ABHD12B: variants seen among roughly 807,000 people sequenced by gnomAD.
ABHD12B encodes protein ABHD12B.
In ABHD12B, 42 loss-of-function variants were observed where a neutral mutation model predicts 50.4. The observed-to-expected ratio is 0.83, with a 90% CI of 0.65 to 1.08. The LOEUF is 1.08. ABHD12B is among the 50% of genes least tolerant of loss of function. ABHD12B has a pLI of 0.00. For synonymous variants in ABHD12B, 167 were observed against 160.3 expected (o/e 1.04, Z -0.32); for missense variants, 479 against 447.7 (o/e 1.07, Z -0.63).
intron 9 of ABHD12B, among the ~76,000 whole-genome samples, chr14:50,890,157 A>G (rs1290832002): frequency 6.6e-6 from 1 of 152,228 alleles, no homozygotes; most frequent in Non-Finnish European, 1.5e-5. Context: ...CATTAATTGC[A>G]TATCTATCAT....
chr14:50,878,221 ATT>A (rs2049890454), intron 2 of ABHD12B, 142 bp downstream of exon 2: 1 of 770,440 alleles, frequency 1.3e-6, no homozygotes, highest in African/African-American at 1.8e-5. Flanking sequence ...CTTATTTAAT[ATT>A]GACTTTGAAG....
rs1375225610 is a variant in ABHD12B, at chr14:50,903,434, TGACAG to T, written c.915_919del (p.Arg305SerfsTer11). 2 of 1,612,926 alleles carry T rather than the reference TGACAG, an allele frequency of 1.2e-6. No homozygotes were observed. Among genetic ancestry groups the T allele is most frequent in the East Asian group, 4.5e-5 (2 of 44,848 alleles). ...CTCTTCTCATCTTACATGGAGAGGATGACAGGACAGTGCCTTTGGAGTATGGGAAA... is the reference window on the plus strand; with the variant it reads ...CTCTTCTCATCTTACATGGAGAGGATGACAGTGCCTTTGGAGTATGGGAAA... On this transcript the variant is annotated frameshift_variant, in exon 11 of 13. Transcript: ENST00000337334. LOFTEE classifies it high-confidence loss of function.
chr14:50,881,842 C>T (rs1414047798), intron 5 of ABHD12B, among the ~76,000 whole-genome samples: 1 of 152,066 alleles, frequency 6.6e-6, no homozygotes, highest in African/African-American at 2.4e-5. Flanking sequence ...AAAGTACCTT[C>T]GTGAACTTAA....
chr14:50,883,402 C>T (rs1373644832), intron 5 of ABHD12B, among the ~76,000 whole-genome samples: 1 of 152,214 alleles, frequency 6.6e-6, no homozygotes, highest in Admixed American at 6.5e-5. Context: ...TGTCCCCTCC[C>T]CTCATCCCCT....
intron 9 of ABHD12B, among the ~76,000 whole-genome samples, chr14:50,901,280 C>A (rs2050257492): frequency 6.6e-6 from 1 of 152,154 alleles, no homozygotes; most frequent in Non-Finnish European, 1.5e-5. Context: ...TGCTATTAAA[C>A]AACAAATTTA....
At chr14:50,875,271 G>A (rs1269067460) in intron 1 of ABHD12B, among the ~76,000 whole-genome samples, 1 of 152,228 alleles carries the variant, frequency 6.6e-6, no homozygotes, top group African/African-American at 2.4e-5. Flanking sequence ...AAGGAAGAGG[G>A]GATTTGGTTG....
At chr14:50,887,140 G>A (rs1423528290) in intron 8 of ABHD12B, among the ~76,000 whole-genome samples, 1 of 147,748 alleles carries the variant, frequency 6.8e-6, no homozygotes, top group Non-Finnish European at 1.5e-5. Flanking sequence ...CTTGAACCCA[G>A]GAGGTGGAGG....
rs140452091 is a variant in ABHD12B at position 50,900,188 on chromosome 14, A to C, written c.781-1641A>C. The stretch of plus-strand genomic sequence containing the variant: ...TTGAGCGCTGCAGTGAGCCATGAGC[A>C]TGCCACTGCACCCACTCCCAGTCTA... On this transcript the variant is annotated intron_variant, in intron 9 of 12. Transcript: ENST00000337334. Among the ~76,000 whole-genome samples, 106 of 152,296 alleles carry C rather than the reference A, an allele frequency of 7.0e-4. 1 individual carries two copies. The highest frequency in any genetic ancestry group is 2.4e-3 in the African/African-American group (100 of 41,576).
intron 8 of ABHD12B, among the ~76,000 whole-genome samples, chr14:50,888,221 T>TC (rs1215811496): frequency 6.6e-6 from 1 of 151,370 alleles, no homozygotes; most frequent in Non-Finnish European, 1.5e-5. Flanking sequence ...TTTTTTTTTT[T>TC]TGTGGCGGAG....
intron 9 of ABHD12B, among the ~76,000 whole-genome samples, chr14:50,890,668 T>G (rs8022406): frequency 0.96 from 145,976 of 152,184 alleles, 70,291 homozygotes; most frequent in Middle Eastern, 1. Context: ...TGCCATATAC[T>G]ATTCCATTGT....
At position 50,888,885 on chromosome 14, in the gene ABHD12B, C is replaced by G. The variant is rs1375826029; in HGVS notation, c.762C>G (p.Ile254Met). The change falls in exon 9 of 13, where the codon ATC becomes ATG. Residue 254 changes from isoleucine to methionine, a missense_variant. Coordinates refer to ENST00000337334, the MANE Select transcript of ABHD12B (RefSeq NM_001206673.2). ...TTACCAACATGTGGGTTGCAAGTAT[C>G]AATTATCCCTTGTTAAAGGTGAGAC... ...APFTNMWVAS[I>M]NYPLLKIYRN... The G allele has an allele frequency of 8.7e-6, 14 of 1,614,032 alleles. No homozygotes were observed. The highest frequency in any genetic ancestry group is 1.3e-5 in the African/African-American group (1 of 75,032).
Position 50,885,812 on chromosome 14 carries a change from G to T in ABHD12B, c.579G>T (p.Thr193=). ...TGKPTEEGLT[T]DAICVYEWTK... is the part of the protein sequence containing the mutation. Reference sequence around the variant, plus strand: ...AGCCCACAGAGGAGGGACTGACTACGGATGCCATTTGTGTCTATGAGTGGA... The same window carrying T: ...AGCCCACAGAGGAGGGACTGACTACTGATGCCATTTGTGTCTATGAGTGGA... Residue 193 remains threonine (T), a synonymous_variant, in exon 7 of 13, where the codon ACG becomes ACT. Transcript: ENST00000337334. 6.2e-7 allele frequency: 1 copy of T among 1,614,148 alleles called. No homozygotes were observed. The highest frequency in any genetic ancestry group is 8.5e-7 in the Non-Finnish European group (1 of 1,180,036).
chr14:50,888,065 A>G (rs2050065600), intron 8 of ABHD12B, among the ~76,000 whole-genome samples: 1 of 152,214 alleles, frequency 6.6e-6, no homozygotes, highest in South Asian at 2.1e-4. Context: ...ATATATGTAT[A>G]CATACCTTAA....
At chr14:50,889,784 G>C (rs962254011) in intron 9 of ABHD12B, among the ~76,000 whole-genome samples, 1 of 152,202 alleles carries the variant, frequency 6.6e-6, no homozygotes, top group Non-Finnish European at 1.5e-5. Context: ...GTCTTAGAGG[G>C]ATACATGGCC....
At chr14:50,899,845 C>G (rs1163994219) in intron 9 of ABHD12B, among the ~76,000 whole-genome samples, 1 of 151,684 alleles carries the variant, frequency 6.6e-6, no homozygotes, top group African/African-American at 2.4e-5. Flanking sequence ...TTGCTTGAAC[C>G]CAGGAGGCAG....
intron 5 of ABHD12B, among the ~76,000 whole-genome samples, chr14:50,883,329 G>A (rs928398645): frequency 1.3e-5 from 2 of 152,178 alleles, no homozygotes; most frequent in East Asian, 3.9e-4. Context: ...AATCCTGGCA[G>A]TACCAGTATC....
At position 50,904,101 on chromosome 14, in the gene ABHD12B, A is replaced by C. The variant is rs754929993; in HGVS notation, c.970A>C (p.Arg324=). The C allele has an allele frequency of 2.9e-5, 47 of 1,614,088 alleles. No homozygotes were observed. The South Asian group carries it at 3.4e-4, about 12-fold the overall frequency. The part of the protein sequence containing the change: ...KLYEIARNAY[R]NKERVKMVIF... ...CTATGAAATTGCACGCAATGCATAC[A>C]GGAACAAAGAGAGGGTCAAGATGGT... Residue 324 remains arginine, a synonymous_variant, in exon 12 of 13, where the codon AGG becomes CGG. Transcript: ENST00000337334.
chr14:50,873,565 G>C (rs566646491), intron 1 of ABHD12B, among the ~76,000 whole-genome samples: 1 of 152,284 alleles, frequency 6.6e-6, no homozygotes, highest in South Asian at 2.1e-4. Context: ...AGTGCTGGCA[G>C]CTCTGCAGGG....
chr14:50,877,305 G>T (rs1283216967), intron 1 of ABHD12B, among the ~76,000 whole-genome samples: 1 of 152,162 alleles, frequency 6.6e-6, no homozygotes, highest in Non-Finnish European at 1.5e-5. Flanking sequence ...CACATATAGT[G>T]CAGAATTGTG....
Sources: gnomAD v4.1 joint callset for allele counts (sites outside exome capture counted in the v4.1 genomes callset) on GRCh38, gnomAD v4.1.1 for gene constraint, MANE v1.5 for transcripts, NCBI Gene and HGNC (gene_info 2026-07-23, HGNC 2026-07-21) for gene names.